The following ZBTB10 variants were observed in gnomAD, a reference collection of about 807,000 sequenced individuals.
ZBTB10 encodes the protein zinc finger and BTB domain containing 10, also known as zinc finger and BTB domain-containing protein 10.
ZBTB10 carries 32 observed loss-of-function variants against 76.4 expected under a neutral mutation model. That is an observed-to-expected ratio of 0.42 (90% CI 0.32 to 0.56). The LOEUF is 0.56. ZBTB10 is among the 20% of genes least tolerant of loss of function. The pLI, the probability that ZBTB10 is intolerant of heterozygous loss-of-function variation, is 0.14. For missense variants in ZBTB10, 1,057 were observed against 1,098.5 expected (o/e 0.96, Z 0.53); for synonymous variants, 523 against 432.9 (o/e 1.21, Z -2.58).
In ZBTB10 at chr8:80,487,113, C is replaced by T. The variant is rs1815489752; in HGVS notation, c.303C>T (p.Gly101=). The T allele has an allele frequency of 2.6e-6, 4 of 1,517,646 alleles. No individual in the cohort carries two copies. The highest frequency in any genetic ancestry group is 1.7e-4 in the Middle Eastern group (1 of 5,884). 94.0% of individuals were successfully genotyped at this position (1,517,646 alleles called of 1,614,324 possible). ...AGTTGCTGCTCCCCCAAGACGCGGG[C>T]GGCCCCACCTCGCTTGGCGGTGGCG... ...AKELLLPQDA[G]GPTSLGGGAG... The change falls in exon 1 of 6, where the codon GGC becomes GGT. Residue 101 remains glycine (G), a synonymous_variant. Transcript: ENST00000455036.
In ZBTB10 at chr8:80,486,510, C is replaced by T. The variant is rs1450414392; in HGVS notation, c.-301C>T. ...CTCGCTGCAGGCTCGCTCCTCACCT[C>T]TCCGCCGCCCGCCCCCTTCTCCGCG... On this transcript the variant is annotated 5_prime_UTR_variant, in exon 1 of 6. Transcript: ENST00000455036. 1.9e-5 allele frequency: 19 copies of T among 985,410 alleles called. No homozygotes were observed. Among genetic ancestry groups the T allele is most frequent in the Non-Finnish European group, 2.2e-5 (18 of 830,160 alleles). The allele number at this position is 985,410 out of a possible 1,614,324, so 61.0% of individuals were successfully genotyped here. A position where few individuals can be genotyped will look rare whatever the true frequency, so the allele number is the denominator to read the frequency against.
At chr8:80,502,662 G>T (rs1347332912) in intron 2 of ZBTB10, among the ~76,000 whole-genome samples, 1 of 151,844 alleles carries the variant, frequency 6.6e-6, no homozygotes, top group Non-Finnish European at 1.5e-5. Flanking sequence ...GGTCTCAAAA[G>T]AGCATTATGG....
rs1256091726 is a variant in ZBTB10 at position 80,526,016 on chromosome 8, C to G, written c.*6488C>G. 1 of 152,044 alleles carries G rather than the reference C, an allele frequency of 6.6e-6. No individual in the cohort carries two copies. Among genetic ancestry groups the G allele is most frequent in the Non-Finnish European group, 1.5e-5 (1 of 68,006 alleles). The allele number at this position is 152,044 out of a possible 1,614,324, so 9.4% of individuals were successfully genotyped here. On this transcript the variant is annotated 3_prime_UTR_variant, in exon 6 of 6. Coordinates refer to ENST00000455036, the MANE Select transcript of ZBTB10 (RefSeq NM_001105539.3). ...TGTAATGACCAAATCCAACCTACTG[C>G]AAATGTTACTATGGAAATCTCAATG...
rs531450713 is a variant in ZBTB10, at chr8:80,504,467, GT to G, written c.1861+4086del. On this transcript the variant is annotated intron_variant, in intron 2 of 5. Coordinates refer to ENST00000455036, the MANE Select transcript of ZBTB10 (RefSeq NM_001105539.3). Reference sequence around the variant, plus strand: ...GCCTTTTAAAGATTGAGATAAGAAGGTGTACCCATAGCTGCAGGGTTTTTAT... The same window carrying G: ...GCCTTTTAAAGATTGAGATAAGAAGGGTACCCATAGCTGCAGGGTTTTTAT... 6.2e-3 allele frequency among the ~76,000 whole-genome samples: 939 copies of G among 152,260 alleles called. 5 individuals are homozygous for G. The highest frequency in any genetic ancestry group is 0.017 in the Middle Eastern group (5 of 294).
At chr8:80,498,317 T>C (rs1164347400) in intron 1 of ZBTB10, among the ~76,000 whole-genome samples, 1 of 152,226 alleles carries the variant, frequency 6.6e-6, no homozygotes, top group Non-Finnish European at 1.5e-5. Context: ...CGTAAAATCA[T>C]AGATCCATAC....
At position 80,519,654 on chromosome 8, in the gene ZBTB10, CTG is replaced by C; in HGVS notation, c.*128_*129del. On this transcript the variant is annotated 3_prime_UTR_variant, in exon 6 of 6. Transcript: ENST00000455036. ...GATAGTAGTTATGTTGCTGTGAAAA[CTG>C]TAGGGTCAAAGCCTTATAGCAAAAA... 2 of 1,164,156 alleles carry C rather than the reference CTG, an allele frequency of 1.7e-6. No homozygotes were observed. The highest frequency in any genetic ancestry group is 2.4e-6 in the Non-Finnish European group (2 of 848,136). The allele number at this position is 1,164,156 out of a possible 1,614,324, so 72.1% of individuals were successfully genotyped here.
At chr8:80,512,232 C>T (rs1288702050) in intron 2 of ZBTB10, among the ~76,000 whole-genome samples, 1 of 152,148 alleles carries the variant, frequency 6.6e-6, no homozygotes, top group African/African-American at 2.4e-5. Context: ...GTGGAATATC[C>T]TTAAGTTCTG....
intron 3 of ZBTB10, 104 bp downstream of exon 3, chr8:80,514,112 A>G (rs188448767): frequency 4.2e-6 from 4 of 960,970 alleles, no homozygotes; most frequent in African/African-American, 3.3e-5. Context: ...GTTCTATTGT[A>G]TATAACTACT....
chr8:80,516,541 C>T (rs1008288832), intron 3 of ZBTB10, among the ~76,000 whole-genome samples: 3 of 151,888 alleles, frequency 2.0e-5, no homozygotes, highest in African/African-American at 7.3e-5. Flanking sequence ...CATTCTTTAT[C>T]CCTCACACAG....
intron 2 of ZBTB10, among the ~76,000 whole-genome samples, chr8:80,504,338 G>A (rs988661050): frequency 6.6e-6 from 1 of 152,128 alleles, no homozygotes; most frequent in Non-Finnish European, 1.5e-5. Context: ...TTTGGCGGGG[G>A]TCTCTTCTAG....
At position 80,489,996 on chromosome 8, in the gene ZBTB10, C is replaced by G. The variant is rs893474805; in HGVS notation, c.972+2214C>G. Among the ~76,000 whole-genome samples the G allele has an allele frequency of 3.9e-5, 6 of 152,322 alleles. No individual in the cohort carries two copies. The East Asian group carries it at 1.2e-3, about 29-fold the overall frequency. ...TACCTGTTTGTCTTAACATGAGTAA[C>G]ATGAGTAACAGGTTCCTGATCTCTT... On this transcript the variant is annotated intron_variant, in intron 1 of 5. Transcript: ENST00000455036.
rs1456898551 is a variant in ZBTB10 at position 80,524,221 on chromosome 8, C to CT, written c.*4694dup. On this transcript the variant is annotated 3_prime_UTR_variant, in exon 6 of 6. Coordinates refer to ENST00000455036, the MANE Select transcript of ZBTB10 (RefSeq NM_001105539.3). Reference sequence around the variant, plus strand: ...GCTTACAAGTTTGAATTATGGAATACTATAAGGGTTTTTTGTTTATTTGTA... The same window carrying CT: ...GCTTACAAGTTTGAATTATGGAATACTTATAAGGGTTTTTTGTTTATTTGTA... 1 of 151,918 alleles carries CT rather than the reference C, an allele frequency of 6.6e-6. No homozygotes were observed. The highest frequency in any genetic ancestry group is 1.5e-5 in the Non-Finnish European group (1 of 67,878). The allele number at this position is 151,918 out of a possible 1,614,324, so 9.4% of individuals were successfully genotyped here.
At chr8:80,485,667 A>G (rs1815426202), upstream of ZBTB10, 5 of 869,880 alleles carry the variant, frequency 5.7e-6, no homozygotes, top group Admixed American at 5.2e-5. Context: ...ACAATGCATC[A>G]AAGGAGGTTG....
At chr8:80,488,448 C>T (rs561597632) in intron 1 of ZBTB10, among the ~76,000 whole-genome samples, 1 of 152,222 alleles carries the variant, frequency 6.6e-6, no homozygotes, top group African/African-American at 2.4e-5. Context: ...TACTTTTACT[C>T]AGATTTTTGT....
rs1008130526 is a variant in ZBTB10, at chr8:80,522,625, C to T, written c.*3097C>T. 1 of 151,928 alleles carries T rather than the reference C, an allele frequency of 6.6e-6. No individual in the cohort carries two copies. Among genetic ancestry groups the T allele is most frequent in the Non-Finnish European group, 1.5e-5 (1 of 67,866 alleles). 9.4% of individuals were successfully genotyped at this position (151,928 alleles called of 1,614,324 possible). A position where few individuals can be genotyped will look rare whatever the true frequency, so the allele number is the denominator to read the frequency against. On this transcript the variant is annotated 3_prime_UTR_variant, in exon 6 of 6. Coordinates refer to ENST00000455036, the MANE Select transcript of ZBTB10 (RefSeq NM_001105539.3). Reference sequence around the variant, plus strand: ...TAGCTTTGAAATTGGGGAAAACACACTAGCTGGGTTAGGTACAGCTATCCT... The same window carrying T: ...TAGCTTTGAAATTGGGGAAAACACATTAGCTGGGTTAGGTACAGCTATCCT...
intron 1 of ZBTB10, among the ~76,000 whole-genome samples, chr8:80,497,048 T>C (rs1232832505): frequency 6.6e-6 from 1 of 152,248 alleles, no homozygotes; most frequent in East Asian, 1.9e-4. Context: ...TAATAAAATT[T>C]ACTCAGTCTC....
chr8:80,515,050 G>T (rs1441419054), intron 3 of ZBTB10, among the ~76,000 whole-genome samples: 1 of 152,152 alleles, frequency 6.6e-6, no homozygotes, highest in African/African-American at 2.4e-5. Context: ...ACAAAAAATG[G>T]CTAAAGAGGA....
In ZBTB10 at chr8:80,486,990, G is replaced by T; in HGVS notation, c.180G>T (p.Gly60=). Residue 60 remains glycine (G), a synonymous_variant, in exon 1 of 6, where the codon GGG becomes GGT. Coordinates refer to ENST00000455036, the MANE Select transcript of ZBTB10 (RefSeq NM_001105539.3). ...PAPPALQPPN[G]RGADEEVELE... Reference sequence around the variant, plus strand: ...CGCCCGCGCTTCAGCCGCCTAATGGGCGGGGGGCCGACGAGGAAGTGGAAT... The same window carrying T: ...CGCCCGCGCTTCAGCCGCCTAATGGTCGGGGGGCCGACGAGGAAGTGGAAT... 2 of 1,514,640 alleles carry T rather than the reference G, an allele frequency of 1.3e-6. No individual in the cohort carries two copies. Among genetic ancestry groups the T allele is most frequent in the Non-Finnish European group, 1.8e-6 (2 of 1,136,522 alleles). 93.8% of individuals were successfully genotyped at this position (1,514,640 alleles called of 1,614,324 possible). A position where few individuals can be genotyped will look rare whatever the true frequency, so the allele number is the denominator to read the frequency against.
intron 3 of ZBTB10, among the ~76,000 whole-genome samples, 184 bp from the exon 4 acceptor site, chr8:80,518,219 G>A (rs1040137980): frequency 5.9e-5 from 9 of 151,420 alleles, no homozygotes; most frequent in Non-Finnish European, 1.3e-4. Flanking sequence ...ATGGTATTTT[G>A]TTTAATTGTG....
Sources: gnomAD v4.1 joint callset for allele counts (sites outside exome capture counted in the v4.1 genomes callset) on GRCh38, gnomAD v4.1.1 for gene constraint, MANE v1.5 for transcripts, NCBI Gene and HGNC (gene_info 2026-07-23, HGNC 2026-07-21) for gene names.